CTNNA3: variants seen among roughly 807,000 people sequenced by gnomAD.
CTNNA3 encodes the protein catenin alpha 3.
Under a neutral mutation model 95.7 loss-of-function variants are expected in CTNNA3, and 76 were observed. The ratio of observed to expected loss-of-function variants is 0.79; its 90% confidence interval spans 0.66 to 0.96. The LOEUF (loss-of-function observed/expected upper bound fraction) is 0.96, where lower values mean the gene tolerates loss of function less well. CTNNA3 is among the 40% of genes least tolerant of loss of function. The probability of loss-of-function intolerance (pLI) is 0.00; values close to 1 mark genes in which losing one functional copy is unlikely to be tolerated. For synonymous variants in CTNNA3, 431 were observed against 374.4 expected, an observed-to-expected ratio of 1.15 and a Z score of -1.74; for missense variants, 1,191 against 1,089.8, an observed-to-expected ratio of 1.09 and a Z score of -1.31.
intron 7 of CTNNA3, among the ~76,000 whole-genome samples, chr10:67,127,165 A>G (rs1366483034): frequency 6.6e-6 from 1 of 152,166 alleles, no homozygotes; most frequent in Non-Finnish European, 1.5e-5. Flanking sequence ...ACCCATGTAA[A>G]TAAACATTTA....
intron 11 of CTNNA3, among the ~76,000 whole-genome samples, chr10:66,391,415 T>C (rs1415939941): frequency 6.6e-6 from 1 of 152,104 alleles, no homozygotes. Flanking sequence ...TTATCAAAGC[T>C]TGGAAACAGA....
At chr10:66,278,032 C>A (rs2091428751) in intron 13 of CTNNA3, among the ~76,000 whole-genome samples, 1 of 151,178 alleles carries the variant, frequency 6.6e-6, no homozygotes, top group African/African-American at 2.4e-5. Context: ...CTCTACATTT[C>A]ATGTTTCTGA....
chr10:66,736,627 T>C (rs909746495), intron 9 of CTNNA3, among the ~76,000 whole-genome samples: 1 of 152,088 alleles, frequency 6.6e-6, no homozygotes, highest in Non-Finnish European at 1.5e-5. Flanking sequence ...GCCAAAAATT[T>C]AATAATTTTA....
intron 13 of CTNNA3, among the ~76,000 whole-genome samples, chr10:66,222,685 A>C (rs564325066): frequency 1.4e-5 from 2 of 147,752 alleles, no homozygotes; most frequent in East Asian, 4.2e-4. Context: ...TGGAGGAAGG[A>C]AGGGAGGGAG....
chr10:66,452,857 T>A (rs888691795), intron 11 of CTNNA3, among the ~76,000 whole-genome samples: 4 of 152,000 alleles, frequency 2.6e-5, no homozygotes, highest in African/African-American at 9.7e-5. Flanking sequence ...TATAATTTCA[T>A]CCCTGACCCA....
chr10:67,474,275 G>T (rs1481406850), intron 5 of CTNNA3, among the ~76,000 whole-genome samples: 1 of 152,134 alleles, frequency 6.6e-6, no homozygotes, highest in Non-Finnish European at 1.5e-5. Context: ...TTGAGATAAG[G>T]CCTTTAAAAA....
intron 5 of CTNNA3, among the ~76,000 whole-genome samples, chr10:67,262,448 A>G (rs1866659003): frequency 6.6e-6 from 1 of 152,146 alleles, no homozygotes; most frequent in African/African-American, 2.4e-5. Flanking sequence ...AAAGCTTATT[A>G]CTAGTGACCA....
At chr10:66,508,211 T>TTTTTTTTTTTGTTTTTTTTTTTG (rs1840527905) in intron 11 of CTNNA3, among the ~76,000 whole-genome samples, 2 of 91,178 alleles carry the variant, frequency 2.2e-5, no homozygotes, top group Admixed American at 1.0e-4. Context: ...TTGTTTTCTG[T>TTTTTTTTTTTGTTTTTTTTTTTG]TTTTTTTTTT....
intron 10 of CTNNA3, among the ~76,000 whole-genome samples, chr10:66,573,781 C>A (rs1370458507): frequency 6.6e-6 from 1 of 151,670 alleles, no homozygotes; most frequent in Non-Finnish European, 1.5e-5. Context: ...TCTATATAAC[C>A]AAAACAATTT....
chr10:67,441,379 G>A lies in CTNNA3; in HGVS notation c.579+80463C>T, dbSNP rs568044464. Among the ~76,000 whole-genome samples the A allele has an allele frequency of 3.3e-5, 5 of 151,970 alleles. No individual in the cohort carries two copies. In the East Asian group the frequency reaches 9.7e-4, roughly 29 times the overall value. The stretch of plus-strand genomic sequence containing the variant: ...TAAAGAGGAGGTAGAAAAAGAGATA[G>A]TGATAGAAAGTTTATTCAAAAATAC... On this transcript the variant is annotated intron_variant, in intron 5 of 17. Transcript: ENST00000433211.
chr10:67,514,595 C>A (rs969353497), intron 5 of CTNNA3, among the ~76,000 whole-genome samples: 1 of 151,944 alleles, frequency 6.6e-6, no homozygotes. Flanking sequence ...CTTTTATTGA[C>A]AACCTTATGG....
At chr10:67,187,066 T>G (rs1862887749) in intron 6 of CTNNA3, among the ~76,000 whole-genome samples, 1 of 152,268 alleles carries the variant, frequency 6.6e-6, no homozygotes, top group African/African-American at 2.4e-5. Context: ...ATTAATAAAT[T>G]TATTCCTTAT....
chr10:67,207,426 T>G (rs1863952185), intron 6 of CTNNA3, among the ~76,000 whole-genome samples: 1 of 152,170 alleles, frequency 6.6e-6, no homozygotes, highest in Non-Finnish European at 1.5e-5. Flanking sequence ...GATAGAACTT[T>G]ATAAAATAAA....
Position 67,527,600 on chromosome 10 carries a change from A to G in CTNNA3, c.460-5639T>C, listed in dbSNP as rs890570708. On this transcript the variant is annotated intron_variant, in intron 4 of 17. Coordinates refer to ENST00000433211, the MANE Select transcript of CTNNA3 (RefSeq NM_013266.4). ...ATAGATCAATTGCAGATAAGACCAG[A>G]GCTTTCAATGAAATGTTTTAACAAT... Among the ~76,000 whole-genome samples the G allele has an allele frequency of 1.4e-4, 22 of 152,354 alleles. No individual in the cohort carries two copies. The South Asian group carries it at 4.1e-3, about 29-fold the overall frequency.
intron 5 of CTNNA3, among the ~76,000 whole-genome samples, chr10:67,403,787 G>T (rs903268759): frequency 6.6e-6 from 1 of 152,216 alleles, no homozygotes; most frequent in Non-Finnish European, 1.5e-5. Context: ...AGGGTTTCCA[G>T]CCACATCCTA....
At chr10:66,343,385 T>G (rs2092472743) in intron 12 of CTNNA3, among the ~76,000 whole-genome samples, 1 of 152,126 alleles carries the variant, frequency 6.6e-6, no homozygotes, top group South Asian at 2.1e-4. Context: ...AATGGAATAC[T>G]ATTTAGCCAT....
chr10:66,767,831 G>T (rs1839930460), intron 8 of CTNNA3, among the ~76,000 whole-genome samples: 1 of 152,202 alleles, frequency 6.6e-6, no homozygotes. Flanking sequence ...AGCTTGCTCA[G>T]AAGCATTGTG....
intron 10 of CTNNA3, among the ~76,000 whole-genome samples, chr10:66,612,072 T>C (rs1844347820): frequency 6.6e-6 from 1 of 152,138 alleles, no homozygotes; most frequent in Non-Finnish European, 1.5e-5. Context: ...TTTCTTCTAA[T>C]ATAACCACTA....
chr10:66,625,795 C>T (rs1589035116), intron 9 of CTNNA3, among the ~76,000 whole-genome samples: 1 of 152,102 alleles, frequency 6.6e-6, no homozygotes, highest in African/African-American at 2.4e-5. Context: ...TCCTTCACTC[C>T]CTAACCCATG....
Sources: allele counts gnomAD v4.1 joint callset (sites outside exome capture counted in the v4.1 genomes callset), GRCh38; gene constraint gnomAD v4.1.1; transcripts MANE v1.5; gene names NCBI Gene and HGNC (gene_info 2026-07-23, HGNC 2026-07-21).